Variants in TG observed in about 807,000 individuals in gnomAD.
The protein encoded by TG is thyroglobulin, also known as thyroid hormones.
A neutral mutation model predicts 324.7 loss-of-function variants in TG; 270 were observed. The ratio of observed to expected loss-of-function variants is 0.83; its 90% confidence interval spans 0.75 to 0.92. The LOEUF (loss-of-function observed/expected upper bound fraction) is 0.92, where lower values mean the gene tolerates loss of function less well. Among genes scored for constraint, TG ranks in the 40% least tolerant of loss-of-function variants. TG has a pLI of 0.00. For missense variants in TG, 3,591 were observed against 3,456.4 expected, an observed-to-expected ratio of 1.04 and a Z score of -0.98; for synonymous variants, 1,401 against 1,327.0, an observed-to-expected ratio of 1.06 and a Z score of -1.21.
intron 41 of TG, among the ~76,000 whole-genome samples, chr8:133,065,591 G>A (rs988417525): frequency 3.3e-5 from 5 of 151,944 alleles, no homozygotes; most frequent in East Asian, 1.9e-4. Context: ...GAGGAACCCC[G>A]TCTCTACTAA....
chr8:133,069,950 G>A (rs1313979076), intron 41 of TG, among the ~76,000 whole-genome samples: 17 of 136,216 alleles, frequency 1.2e-4, no homozygotes, highest in Admixed American at 1.6e-4. Context: ...GCAGTGAGCC[G>A]AGATTGTGCC....
At chr8:133,057,187 TTCAGG>T (rs548315220) in intron 41 of TG, among the ~76,000 whole-genome samples, 2,774 of 151,718 alleles carry the variant, frequency 0.018, 93 homozygotes, top group African/African-American at 0.063. Flanking sequence ...TTGGTGCCTC[TTCAGG>T]TCAGGGTGAT....
At chr8:133,077,771 ATG>A (rs939200739) in intron 41 of TG, among the ~76,000 whole-genome samples, 2 of 135,292 alleles carry the variant, frequency 1.5e-5, no homozygotes, top group African/African-American at 5.8e-5. Flanking sequence ...GTGTGTTTGT[ATG>A]TGTGTGTGTG....
At chr8:133,094,459 C>A (rs1489694800) in intron 41 of TG, among the ~76,000 whole-genome samples, 2 of 152,006 alleles carry the variant, frequency 1.3e-5, no homozygotes. Flanking sequence ...CCAGGATGGT[C>A]TCGATCTCCT....
chr8:132,948,526 C>T (rs150017014), intron 26 of TG, among the ~76,000 whole-genome samples: 1 of 152,146 alleles, frequency 6.6e-6, no homozygotes, highest in Non-Finnish European at 1.5e-5. Context: ...AAGGAAAGCT[C>T]TCATAGGGAG....
In TG at chr8:133,025,004, C is replaced by G. The variant is rs140582052; in HGVS notation, c.7036+2854C>G. Among the ~76,000 whole-genome samples, 224 of 152,302 alleles carry G rather than the reference C, an allele frequency of 1.5e-3. 1 individual carries two copies. The highest frequency in any genetic ancestry group is 5.2e-3 in the African/African-American group (217 of 41,566). ...ATTATAAATTATTTTACTAGAGAGA[C>G]ACAGGCCATTTTCTTTGCCTTCCTT... On this transcript the variant is annotated intron_variant, in intron 40 of 47. Transcript: ENST00000220616.
intron 41 of TG, among the ~76,000 whole-genome samples, chr8:133,070,771 A>G (rs1185643938): frequency 6.6e-6 from 1 of 152,224 alleles, no homozygotes; most frequent in Non-Finnish European, 1.5e-5. Flanking sequence ...AGGAGAATGC[A>G]CACAGGCCTG....
chr8:133,082,802 T>G (rs1245499982), intron 41 of TG, among the ~76,000 whole-genome samples: 1 of 151,302 alleles, frequency 6.6e-6, no homozygotes, highest in African/African-American at 2.4e-5. Flanking sequence ...CTATGATGCC[T>G]TAATACTTTC....
chr8:132,939,828 C>T (rs1824175464), intron 25 of TG, among the ~76,000 whole-genome samples: 1 of 152,028 alleles, frequency 6.6e-6, no homozygotes, highest in African/African-American at 2.4e-5. Flanking sequence ...AGACGTGCAC[C>T]ATCACACCTG....
chr8:133,118,770 GC>G (rs1247890916), intron 45 of TG, among the ~76,000 whole-genome samples: 1 of 152,084 alleles, frequency 6.6e-6, no homozygotes, highest in Non-Finnish European at 1.5e-5. Context: ...CTGAATAGTG[GC>G]CCCCGAAAGA....
Position 132,888,414 on chromosome 8 carries a change from G to C in TG, c.2607G>C (p.Trp869Cys). 1 of 1,613,684 alleles carries C rather than the reference G, an allele frequency of 6.2e-7. No individual in the cohort carries two copies. The highest frequency in any genetic ancestry group is 8.5e-7 in the Non-Finnish European group (1 of 1,179,678). The change falls in exon 10 of 48, where the codon TGG (tryptophan) becomes TGC (cysteine). Residue 869 changes from tryptophan (W) to cysteine (C), a missense_variant. Physicochemically the swap from Trp to Cys is radical, Grantham distance 215 (BLOSUM62 -2). Transcript: ENST00000220616. ...TCCTCCTGGAGCCCTACCTCTTCTG[G>C]CAGATCTTAAATGGCCAACTCAGCC... is the stretch of plus-strand genomic sequence containing the variant. The part of the protein sequence containing the change: ...ENILLEPYLF[W>C]QILNGQLSQY...
At position 132,966,943 on chromosome 8, in the gene TG, T is replaced by C. The variant is rs1200290318; in HGVS notation, c.5686+246T>C. ...CCTGTCTCTCCATCTATCCGTCCATTCACCCATCCATCCATCCATCCATCT... is the reference window on the plus strand; with the variant it reads ...CCTGTCTCTCCATCTATCCGTCCATCCACCCATCCATCCATCCATCCATCT... On this transcript the variant is annotated intron_variant, in intron 30 of 47. Transcript: ENST00000220616. 2.0e-5 allele frequency among the ~76,000 whole-genome samples: 3 copies of C among 152,006 alleles called. No homozygotes were observed. In the East Asian group the frequency reaches 5.8e-4, roughly 29 times the overall value.
Position 132,901,430 on chromosome 8 carries a change from G to A in TG, c.3511G>A (p.Ala1171Thr), listed in dbSNP as rs1435844880. 1 of 1,614,250 alleles carries A rather than the reference G, an allele frequency of 6.2e-7. No homozygotes were observed. Among genetic ancestry groups the A allele is most frequent in the Non-Finnish European group, 8.5e-7 (1 of 1,180,056 alleles). Residue 1171 changes from alanine to threonine, a missense_variant, in exon 16 of 48, where the codon GCA becomes ACA. Coordinates refer to ENST00000220616, the MANE Select transcript of TG (RefSeq NM_003235.5). ...VSPGYVPACR[A>T]EDGGFSPVQC... ...CCCAGGCTATGTCCCAGCCTGCAGG[G>A]CAGAGGATGGGGGCTTTTCCCCAGT...
intron 35 of TG, among the ~76,000 whole-genome samples, chr8:132,987,709 G>T (rs150341207): frequency 9.0e-6 from 1 of 111,266 alleles, no homozygotes; most frequent in Non-Finnish European, 1.9e-5. Flanking sequence ...TCTTTTATAC[G>T]TGTGTGTGTG....
chr8:132,909,886 G>T (rs1361505930), intron 18 of TG, among the ~76,000 whole-genome samples: 2 of 152,176 alleles, frequency 1.3e-5, no homozygotes, highest in East Asian at 3.8e-4. Flanking sequence ...TGGGATCCTA[G>T]GCCATTTCTC....
chr8:133,021,946 G>A (rs1407075542), intron 39 of TG, 45 bp from the exon 40 acceptor site: 1 of 1,613,024 alleles, frequency 6.2e-7, no homozygotes, highest in South Asian at 1.1e-5. Context: ...CATGGGAAAG[G>A]TGCCCTCCCC....
At chr8:133,072,799 A>G (rs1844267630) in intron 41 of TG, 1 of 152,116 alleles carries the variant, frequency 6.6e-6, no homozygotes, top group Admixed American at 6.6e-5. Flanking sequence ...TGTTATTCGG[A>G]AAGCGACTTT....
At chr8:132,995,059 C>G (rs1335158532) in intron 35 of TG, 1 of 958,698 alleles carries the variant, frequency 1.0e-6, no homozygotes, top group African/African-American at 2.0e-5. Context: ...GAGCGCTCAC[C>G]CACAGGCAAG....
In TG at chr8:132,948,840, GGAT is replaced by G. The variant is rs112749206; in HGVS notation, c.5299_5301del (p.Asp1767del). ...TGCTTTGTAATGTCAAAGACTGGATGGATCCCTCTGAAGCCTGGGCTAATGCTA... is the reference window on the plus strand; with the variant it reads ...TGCTTTGTAATGTCAAAGACTGGATGCCCTCTGAAGCCTGGGCTAATGCTA... On this transcript the variant is annotated inframe_deletion, in exon 27 of 48. Coordinates refer to ENST00000220616, the MANE Select transcript of TG (RefSeq NM_003235.5). The G allele has an allele frequency of 2.5e-3, 4,000 of 1,614,016 alleles. 88 individuals carry two copies. The African/African-American group carries it at 0.048, about 19-fold the overall frequency.
Sources: allele counts gnomAD v4.1 joint callset (sites outside exome capture counted in the v4.1 genomes callset), GRCh38; gene constraint gnomAD v4.1.1; transcripts MANE v1.5; gene names NCBI Gene and HGNC (gene_info 2026-07-23, HGNC 2026-07-21).